Variants in RAB11FIP5 observed in about 807,000 individuals in gnomAD.
RAB11FIP5 encodes RAB11 family interacting protein 5.
Under a neutral mutation model 85.1 loss-of-function variants are expected in RAB11FIP5, and 48 were observed. That is an observed-to-expected ratio of 0.56 (90% CI 0.45 to 0.72). The LOEUF is 0.72. Among genes scored for constraint, RAB11FIP5 ranks in the 30% least tolerant of loss-of-function variants. RAB11FIP5 has a pLI of 0.00. For missense variants in RAB11FIP5, 1,491 were observed against 1,687.0 expected (o/e 0.88, Z 2.04); for synonymous variants, 729 against 727.3 (o/e 1.00, Z -0.04).
Position 73,088,001 on chromosome 2 carries a change from AC to A in RAB11FIP5, c.1568+48del, listed in dbSNP as rs748103648. 9.3e-6 allele frequency: 14 copies of A among 1,512,668 alleles called. 1 individual carries two copies. In the South Asian group the frequency reaches 1.8e-4, roughly 19 times the overall value. 93.7% of individuals were successfully genotyped at this position (1,512,668 alleles called of 1,614,324 possible). On this transcript the variant is annotated intron_variant, in intron 3 of 5. Coordinates refer to ENST00000486777, the MANE Select transcript of RAB11FIP5 (RefSeq NM_001371272.1). The stretch of plus-strand genomic sequence containing the variant: ...CTGCCCCAGGGTCCAGGCAGCACAC[AC>A]CCCAGCATCCTCCCCAAGGAGCAAA...
intron 3 of RAB11FIP5, among the ~76,000 whole-genome samples, chr2:73,087,151 A>C (rs549123729): frequency 2.0e-5 from 3 of 152,296 alleles, no homozygotes; most frequent in African/African-American, 7.2e-5. Flanking sequence ...TGCTCTCACC[A>C]CACTGGCCAG....
At chr2:73,097,357 T>C (rs1684342074) in intron 1 of RAB11FIP5, among the ~76,000 whole-genome samples, 1 of 152,182 alleles carries the variant, frequency 6.6e-6, no homozygotes, top group South Asian at 2.1e-4. Context: ...TCTTTCATCA[T>C]CATACTGATC....
In RAB11FIP5 at chr2:73,086,330, T is replaced by C. The variant is rs774557971; in HGVS notation, c.1568+1720A>G. ...AGCAGGACAGAAACCTCAGCTTCCT[T>C]ATGGCCATCAGTGACCCAAATCCTC... is the stretch of plus-strand genomic sequence containing the variant. On this transcript the variant is annotated intron_variant, in intron 3 of 5. Coordinates refer to ENST00000486777, the MANE Select transcript of RAB11FIP5 (RefSeq NM_001371272.1). The surrounding 1 kb of genome is among the most constrained non-coding windows in gnomAD (Gnocchi z 4.4). Among the ~76,000 whole-genome samples the C allele has an allele frequency of 9.9e-5, 15 of 152,188 alleles. No individual in the cohort carries two copies. The highest frequency in any genetic ancestry group is 2.1e-4 in the Non-Finnish European group (14 of 68,022).
chr2:73,088,438 T>G lies in RAB11FIP5; in HGVS notation c.1180A>C (p.Asn394His), dbSNP rs573589936. The G allele has an allele frequency of 6.2e-7, 1 of 1,613,894 alleles. No homozygotes were observed. The highest frequency in any genetic ancestry group is 1.1e-5 in the South Asian group (1 of 91,084). ...DDTWPRGSRS[N>H]SSSEAVLGQE... is the part of the protein sequence containing the mutation. Reference sequence around the variant, plus strand: ...CCAAGCACTGCCTCTGAGCTGCTGTTGCTACGACTGCCTCTGGGCCAGGTG... The same window carrying G: ...CCAAGCACTGCCTCTGAGCTGCTGTGGCTACGACTGCCTCTGGGCCAGGTG... The change falls in exon 3 of 6, where the codon AAC becomes CAC. Residue 394 changes from asparagine (N) to histidine (H), a missense_variant. By Grantham distance (68) the Asn-to-His change is moderately conservative. Transcript: ENST00000486777.
In RAB11FIP5 at chr2:73,080,652, G is replaced by C. The variant is rs913641597; in HGVS notation, c.2580C>G (p.Pro860=). The change falls in exon 4 of 6, where the codon CCC becomes CCG. Residue 860 remains proline (P), a synonymous_variant. Coordinates refer to ENST00000486777, the MANE Select transcript of RAB11FIP5 (RefSeq NM_001371272.1). The part of the protein sequence containing the change: ...VFRGESDEPA[P]QVQPESPETV... ...TTTCTGGTGATTCAGGCTGCACCTG[G>C]GGAGCAGGCTCATCAGACTCTCCCC... 1.6e-6 allele frequency: 2 copies of C among 1,232,282 alleles called. No individual in the cohort carries two copies. Among genetic ancestry groups the C allele is most frequent in the Non-Finnish European group, 2.0e-6 (2 of 988,052 alleles). 76.3% of individuals were successfully genotyped at this position (1,232,282 alleles called of 1,614,324 possible).
Position 73,075,465 on chromosome 2 carries a change from A to C in RAB11FIP5, c.*56T>G, listed in dbSNP as rs1683834653. 6.6e-7 allele frequency: 1 copy of C among 1,520,850 alleles called. No individual in the cohort carries two copies. The highest frequency in any genetic ancestry group is 1.4e-5 in the African/African-American group (1 of 73,100). The allele number at this position is 1,520,850 out of a possible 1,614,324, so 94.2% of individuals were successfully genotyped here. On this transcript the variant is annotated 3_prime_UTR_variant, in exon 6 of 6. Coordinates refer to ENST00000486777, the MANE Select transcript of RAB11FIP5 (RefSeq NM_001371272.1). This position sits in a 1 kb window ranked among gnomAD's most constrained non-coding sequence, Gnocchi z 4.6. The stretch of plus-strand genomic sequence containing the variant: ...TGCAGATGAGAGAGTTCAGGAGGAG[A>C]GAGGGCAGGCAGCAATAGGTCCATG...
intron 3 of RAB11FIP5, among the ~76,000 whole-genome samples, chr2:73,082,473 TGCAGAA>T (rs1207416495): frequency 6.6e-6 from 1 of 152,224 alleles, no homozygotes; most frequent in Non-Finnish European, 1.5e-5. Context: ...ATTGATCCCT[TGCAGAA>T]GCAGAAGTAA....
In RAB11FIP5 at chr2:73,075,197, G is replaced by A. The variant is rs1165589963; in HGVS notation, c.*324C>T. On this transcript the variant is annotated 3_prime_UTR_variant, in exon 6 of 6. Coordinates refer to ENST00000486777, the MANE Select transcript of RAB11FIP5 (RefSeq NM_001371272.1). The surrounding 1 kb of genome is among the most constrained non-coding windows in gnomAD (Gnocchi z 4.6). ...GCAACCAGTCTTGTCCCAGATTACT[G>A]CATCAAGCTACAGTTCACCCCTGCT... 9.5e-6 allele frequency: 6 copies of A among 631,246 alleles called. No individual in the cohort carries two copies. The highest frequency in any genetic ancestry group is 1.5e-5 in the South Asian group (1 of 66,040). The allele number at this position is 631,246 out of a possible 1,614,324, so 39.1% of individuals were successfully genotyped here.
At position 73,102,495 on chromosome 2, in the gene RAB11FIP5, A is replaced by T. The variant is rs188652241; in HGVS notation, c.431+9852T>A. 1.7e-3 allele frequency among the ~76,000 whole-genome samples: 253 copies of T among 152,264 alleles called. 3 individuals carry two copies. Among genetic ancestry groups the T allele is most frequent in the African/African-American group, 5.8e-3 (239 of 41,560 alleles). On this transcript the variant is annotated intron_variant, in intron 1 of 5. Coordinates refer to ENST00000486777, the MANE Select transcript of RAB11FIP5 (RefSeq NM_001371272.1). ...ACAGCCCAGAGCAGAGGTTAAAAAA[A>T]TTTTTTTTTAAGCCTGAACTAGGAC...
rs759791748 is a variant in RAB11FIP5, at chr2:73,076,084, A to G, written c.3680T>C (p.Leu1227Pro). 1 of 1,614,052 alleles carries G rather than the reference A, an allele frequency of 6.2e-7. No individual in the cohort carries two copies. Among genetic ancestry groups the G allele is most frequent in the Non-Finnish European group, 8.5e-7 (1 of 1,179,996 alleles). ...AGATGTGACTGTTTTGAGCTTCTCC[A>G]GCCCACTGCTCAGGGCTATGCTCAG... is the stretch of plus-strand genomic sequence containing the variant. ...SSLSIALSSG[L>P]EKLKTVTSGS... is the part of the protein sequence containing the mutation. The change falls in exon 5 of 6, where the codon CTG (leucine) becomes CCG (proline). Residue 1227 changes from leucine to proline, a missense_variant. Physicochemically the swap from Leu to Pro is moderately conservative, Grantham distance 98 (BLOSUM62 -3). Transcript: ENST00000486777.
intron 2 of RAB11FIP5, 50 bp downstream of exon 2, chr2:73,088,829 G>A: frequency 6.5e-7 from 1 of 1,537,332 alleles, no homozygotes; most frequent in Non-Finnish European, 8.7e-7. Context: ...ACCACCCAAG[G>A]GGAGAGCCAG....
chr2:73,079,261 A>G (rs1683920260), intron 4 of RAB11FIP5, among the ~76,000 whole-genome samples: 1 of 151,868 alleles, frequency 6.6e-6, no homozygotes, highest in South Asian at 2.1e-4. Flanking sequence ...CCTGATTGAC[A>G]AGTTCCACCG....
chr2:73,091,687 T>A (rs1012867618), intron 1 of RAB11FIP5, among the ~76,000 whole-genome samples: 40 of 152,158 alleles, frequency 2.6e-4, no homozygotes, highest in Admixed American at 2.6e-3. Context: ...TATTTTTTAA[T>A]GTTGAAGTTT....
chr2:73,105,143 G>C (rs149245692), intron 1 of RAB11FIP5, among the ~76,000 whole-genome samples: 3 of 152,354 alleles, frequency 2.0e-5, no homozygotes, highest in Non-Finnish European at 2.9e-5. Context: ...GGTATGTGCT[G>C]ATGCCCCCAA....
intron 3 of RAB11FIP5, among the ~76,000 whole-genome samples, chr2:73,085,481 T>C (rs1260619784): frequency 6.6e-6 from 1 of 152,208 alleles, no homozygotes; most frequent in East Asian, 1.9e-4. Context: ...TGGTCTTGCC[T>C]GTCCTCAAAC....
chr2:73,110,907 C>G (rs1684643339), intron 1 of RAB11FIP5, among the ~76,000 whole-genome samples: 1 of 152,050 alleles, frequency 6.6e-6, no homozygotes, highest in African/African-American at 2.4e-5. Flanking sequence ...GGGATAGGCA[C>G]CTCTTCTGAA....
chr2:73,101,357 A>G lies in RAB11FIP5; in HGVS notation c.431+10990T>C, dbSNP rs553824601. Reference sequence around the variant, plus strand: ...GAGGAGACATAACAGCCAGGTGCCTATTTGGATCCTAACTCAACAAATCAC... The same window carrying G: ...GAGGAGACATAACAGCCAGGTGCCTGTTTGGATCCTAACTCAACAAATCAC... On this transcript the variant is annotated intron_variant, in intron 1 of 5. Coordinates refer to ENST00000486777, the MANE Select transcript of RAB11FIP5 (RefSeq NM_001371272.1). 3.9e-5 allele frequency among the ~76,000 whole-genome samples: 6 copies of G among 152,288 alleles called. No homozygotes were observed. The South Asian group carries it at 1.0e-3, about 26-fold the overall frequency.
chr2:73,079,028 G>T (rs1003435591), intron 4 of RAB11FIP5, among the ~76,000 whole-genome samples: 1 of 152,216 alleles, frequency 6.6e-6, no homozygotes, highest in Non-Finnish European at 1.5e-5. Flanking sequence ...TGAAGCAACT[G>T]CTGCGCGTGG....
At chr2:73,087,395 C>T (rs894834584) in intron 3 of RAB11FIP5, among the ~76,000 whole-genome samples, 2 of 152,210 alleles carry the variant, frequency 1.3e-5, no homozygotes, top group Admixed American at 6.5e-5. Flanking sequence ...GCACTTCCCA[C>T]GGTGCCATAC....
Sources: gnomAD v4.1 joint callset for allele counts (sites outside exome capture counted in the v4.1 genomes callset) on GRCh38, gnomAD v4.1.1 for gene constraint, Gnocchi (gnomAD v3.1) non-coding constraint, MANE v1.5 for transcripts, NCBI Gene and HGNC (gene_info 2026-07-23, HGNC 2026-07-21) for gene names.